The following HIPK2 variants were observed in gnomAD, a reference collection of about 807,000 sequenced individuals.
HIPK2 encodes the protein homeodomain-interacting protein kinase 2.
In HIPK2, 27 loss-of-function variants were observed where a neutral mutation model predicts 113.7. The observed-to-expected ratio is 0.24, with a 90% CI of 0.17 to 0.33. The LOEUF is 0.33. Among genes scored for constraint, HIPK2 ranks in the 10% least tolerant of loss-of-function variants. The pLI is 1.00. For missense variants in HIPK2, 1,257 were observed against 1,588.0 expected, an observed-to-expected ratio of 0.79 and a Z score of 3.54; for synonymous variants, 631 against 642.2, an observed-to-expected ratio of 0.98 and a Z score of 0.26.
chr7:139,573,046 G>A lies in HIPK2; in HGVS notation c.3478C>T (p.Pro1160Ser), dbSNP rs773365235. Residue 1160 changes from proline to serine, a missense_variant, in exon 15 of 15, where the codon CCG becomes TCG. Pro to Ser is a moderately conservative substitution (Grantham distance 74). Coordinates refer to ENST00000406875, the MANE Select transcript of HIPK2 (RefSeq NM_022740.5). ...GCAAATTGGGCTGGATACTGACTCG[G>A]GTGGATGGTGGGCGAGGGCAGGACC... is the stretch of plus-strand genomic sequence containing the variant. Reference protein sequence around the residue: ...PRVLPSPTIHPSQYPAQFAHQ... With the variant: ...PRVLPSPTIHSSQYPAQFAHQ... 1 of 1,612,562 alleles carries A rather than the reference G, an allele frequency of 6.2e-7. No homozygotes were observed. The highest frequency in any genetic ancestry group is 8.5e-7 in the Non-Finnish European group (1 of 1,179,392).
intron 2 of HIPK2, among the ~76,000 whole-genome samples, chr7:139,699,412 T>A (rs1309610696): frequency 6.6e-6 from 1 of 152,148 alleles, no homozygotes; most frequent in African/African-American, 2.4e-5. Context: ...TGTGAATATG[T>A]ATAGGCTCCC....
intron 1 of HIPK2, among the ~76,000 whole-genome samples, chr7:139,775,155 A>G (rs7810177): frequency 0.1 from 15,568 of 152,196 alleles, 2,625 homozygotes; most frequent in African/African-American, 0.36. Context: ...CAAAACCCAC[A>G]AGGAATCCCT....
At chr7:139,697,338 A>G (rs1432255472) in intron 2 of HIPK2, among the ~76,000 whole-genome samples, 1 of 152,182 alleles carries the variant, frequency 6.6e-6, no homozygotes. Context: ...AGAAAACAAA[A>G]TATTTACCTT....
At chr7:139,763,322 G>A (rs1796498699) in intron 1 of HIPK2, among the ~76,000 whole-genome samples, 1 of 152,172 alleles carries the variant, frequency 6.6e-6, no homozygotes, top group Non-Finnish European at 1.5e-5. Context: ...GGCTGGGGAA[G>A]GTCAAGAACA....
chr7:139,591,872 G>A (rs1799036890), intron 12 of HIPK2, among the ~76,000 whole-genome samples: 1 of 152,274 alleles, frequency 6.6e-6, no homozygotes, highest in African/African-American at 2.4e-5. Flanking sequence ...GAGGCTGGCT[G>A]TAGCAGCTTC....
At chr7:139,712,743 C>A (rs930863592) in intron 2 of HIPK2, among the ~76,000 whole-genome samples, 1 of 152,168 alleles carries the variant, frequency 6.6e-6, no homozygotes, top group Admixed American at 6.5e-5. Context: ...CCAGGAAAAT[C>A]AACTTGATAA....
intron 2 of HIPK2, among the ~76,000 whole-genome samples, chr7:139,706,725 A>G (rs1395073955): frequency 6.6e-6 from 1 of 152,180 alleles, no homozygotes; most frequent in East Asian, 1.9e-4. Context: ...GCAAACGTTT[A>G]GAGCTCAACT....
chr7:139,639,084 G>A (rs1402026300), intron 2 of HIPK2, among the ~76,000 whole-genome samples: 1 of 152,174 alleles, frequency 6.6e-6, no homozygotes, highest in Non-Finnish European at 1.5e-5. Context: ...TTCGTAAACA[G>A]CTGCTCAACA....
intron 2 of HIPK2, among the ~76,000 whole-genome samples, chr7:139,663,584 A>AGG (rs1300610040): frequency 6.6e-6 from 1 of 152,200 alleles, no homozygotes; most frequent in Non-Finnish European, 1.5e-5. Flanking sequence ...GGTGGGAAGG[A>AGG]GGGGCTCCAG....
chr7:139,697,351 T>C lies in HIPK2; in HGVS notation c.1103+18581A>G, dbSNP rs1006050764. ...GGAGAAAACAAAATATTTACCTTAC[T>C]GTTTCAGCCTACAGCCGGAAAAGTA... is the stretch of plus-strand genomic sequence containing the variant. On this transcript the variant is annotated intron_variant, in intron 2 of 14. Coordinates refer to ENST00000406875, the MANE Select transcript of HIPK2 (RefSeq NM_022740.5). Among the ~76,000 whole-genome samples the C allele has an allele frequency of 2.6e-4, 39 of 152,332 alleles. 1 individual carries two copies. The highest frequency in any genetic ancestry group is 9.4e-4 in the African/African-American group (39 of 41,572).
chr7:139,645,655 G>GT (rs1801188532), intron 2 of HIPK2, among the ~76,000 whole-genome samples: 2 of 152,188 alleles, frequency 1.3e-5, no homozygotes, highest in African/African-American at 4.8e-5. Context: ...GCAGGCAGGT[G>GT]TGAGTGCGGT....
chr7:139,651,188 G>A (rs2116469501), intron 2 of HIPK2, among the ~76,000 whole-genome samples: 1 of 152,154 alleles, frequency 6.6e-6, no homozygotes. Flanking sequence ...GCCCTGATGG[G>A]AACCAATGAA....
At chr7:139,772,959 A>C (rs140036766) in intron 1 of HIPK2, among the ~76,000 whole-genome samples, 48 of 151,424 alleles carry the variant, frequency 3.2e-4, no homozygotes, top group African/African-American at 1.1e-3. Context: ...AAAAAAGGAG[A>C]AGAAAAAATT....
intron 2 of HIPK2, among the ~76,000 whole-genome samples, chr7:139,706,689 C>G (rs1003509220): frequency 6.6e-6 from 1 of 152,204 alleles, no homozygotes; most frequent in Non-Finnish European, 1.5e-5. Flanking sequence ...CCTGCTCACA[C>G]GGGAGGTAGA....
chr7:139,729,633 A>G (rs990957094), intron 1 of HIPK2, among the ~76,000 whole-genome samples: 35 of 152,286 alleles, frequency 2.3e-4, no homozygotes, highest in African/African-American at 7.7e-4. Context: ...TTTCTTTCCA[A>G]TGGAGGATCT....
At chr7:139,693,847 CAT>C (rs943295894) in intron 2 of HIPK2, among the ~76,000 whole-genome samples, 68 of 152,056 alleles carry the variant, frequency 4.5e-4, no homozygotes, top group African/African-American at 1.6e-3. Flanking sequence ...TTTCTAAAAA[CAT>C]GTGCACTTAT....
chr7:139,589,417 A>C (rs1207306223), intron 12 of HIPK2, among the ~76,000 whole-genome samples: 2 of 151,734 alleles, frequency 1.3e-5, no homozygotes, highest in Non-Finnish European at 2.9e-5. Flanking sequence ...AAAAAAAAAA[A>C]ACAACAAAAA....
At chr7:139,699,580 C>T (rs973731845) in intron 2 of HIPK2, among the ~76,000 whole-genome samples, 2,729 of 152,274 alleles carry the variant, frequency 0.018, 86 homozygotes, top group African/African-American at 0.063. Context: ...ACCCTGCTAT[C>T]AGGAGGCAAG....
chr7:139,641,210 CA>C (rs1801004779), intron 2 of HIPK2, among the ~76,000 whole-genome samples: 1 of 151,914 alleles, frequency 6.6e-6, no homozygotes, highest in Admixed American at 6.6e-5. Context: ...ACTAAAAATA[CA>C]AAAATTAGCC....
Sources: gnomAD v4.1 joint callset for allele counts (sites outside exome capture counted in the v4.1 genomes callset) on GRCh38, gnomAD v4.1.1 for gene constraint, MANE v1.5 for transcripts, NCBI Gene and HGNC (gene_info 2026-07-23, HGNC 2026-07-21) for gene names.